Variants in CATSPERT observed in about 807,000 individuals in gnomAD.
The protein encoded by CATSPERT is cation channel sperm-associated targeting subunit tau.
chr2:201,492,031 T>C, the CATSPERT span: 3 of 1,534,722 alleles, frequency 2.0e-6, no homozygotes, highest in Non-Finnish European at 2.6e-6. Context: ...TTCCTTAGTG[T>C]AATAACTTTT....
chr2:201,545,484 G>T, the CATSPERT span: 5 of 1,124,680 alleles, frequency 4.4e-6, no homozygotes, highest in South Asian at 1.5e-5. Flanking sequence ...GTCTTTTTGT[G>T]ATATAATCAC....
At chr2:201,541,757 T>C in the CATSPERT span, among the ~76,000 whole-genome samples, 2 of 151,366 alleles carry the variant, frequency 1.3e-5, no homozygotes, top group South Asian at 4.2e-4. Context: ...GACCACACCC[T>C]GCTAATTTTT....
chr2:201,586,043 T>C, the CATSPERT span, among the ~76,000 whole-genome samples: 3 of 152,196 alleles, frequency 2.0e-5, no homozygotes, highest in Non-Finnish European at 2.9e-5. Flanking sequence ...ACGACAAGAA[T>C]GAAGACCTTT....
At chr2:201,566,121 A>G in the CATSPERT span, among the ~76,000 whole-genome samples, 1 of 152,200 alleles carries the variant, frequency 6.6e-6, no homozygotes, top group African/African-American at 2.4e-5. Flanking sequence ...AAGGGCCTCA[A>G]GTTCTAATGA....
At chr2:201,583,155 G>T in the CATSPERT span, among the ~76,000 whole-genome samples, 5 of 152,204 alleles carry the variant, frequency 3.3e-5, no homozygotes, top group Admixed American at 6.5e-5. Context: ...ACTAGACCCT[G>T]AAGTTACATT....
the CATSPERT span, among the ~76,000 whole-genome samples, chr2:201,488,112 C>T: frequency 6.6e-5 from 10 of 152,300 alleles, no homozygotes; most frequent in Non-Finnish European, 1.3e-4. Context: ...CCCGATGCCT[C>T]CCATTAGATA....
At chr2:201,575,067 A>AGAGGAG in the CATSPERT span, among the ~76,000 whole-genome samples, 1 of 142,896 alleles carries the variant, frequency 7.0e-6, no homozygotes, top group Non-Finnish European at 1.5e-5. Context: ...AAGAAGAAGA[A>AGAGGAG]GAGGAGGAAG....
At chr2:201,558,788 G>A in the CATSPERT span, among the ~76,000 whole-genome samples, 2 of 152,094 alleles carry the variant, frequency 1.3e-5, no homozygotes, top group East Asian at 1.9e-4. Context: ...ATCTTGAAGC[G>A]CACCCTCCTC....
chr2:201,510,238 G>T, the CATSPERT span, among the ~76,000 whole-genome samples: 1 of 150,442 alleles, frequency 6.6e-6, no homozygotes, highest in Non-Finnish European at 1.5e-5. Flanking sequence ...GAGGTCAGGA[G>T]TTCAAGACCA....
At chr2:201,510,707 TA>T in the CATSPERT span, among the ~76,000 whole-genome samples, 4 of 151,858 alleles carry the variant, frequency 2.6e-5, no homozygotes, top group African/African-American at 9.7e-5. Context: ...TACGTCATAT[TA>T]AAAAAAATCA....
chr2:201,566,196 T>C, the CATSPERT span, among the ~76,000 whole-genome samples: 15 of 151,564 alleles, frequency 9.9e-5, no homozygotes, highest in Admixed American at 5.9e-4. Flanking sequence ...CTAACTCTTT[T>C]TTTAAATTTC....
the CATSPERT span, among the ~76,000 whole-genome samples, chr2:201,570,227 C>T: frequency 4.6e-5 from 7 of 152,122 alleles, no homozygotes; most frequent in Non-Finnish European, 1.0e-4. Flanking sequence ...TCAATAAACT[C>T]AGCCTGATCC....
At chr2:201,519,660 T>C in the CATSPERT span, among the ~76,000 whole-genome samples, 1 of 151,728 alleles carries the variant, frequency 6.6e-6, no homozygotes, top group Non-Finnish European at 1.5e-5. Context: ...GAGATAGATG[T>C]CATTAAAAAA....
chr2:201,553,498 C>T, the CATSPERT span: 1 of 152,132 alleles, frequency 6.6e-6, no homozygotes, highest in South Asian at 2.1e-4. Flanking sequence ...CTTATGTCAA[C>T]TTAACATTTA....
the CATSPERT span, among the ~76,000 whole-genome samples, chr2:201,601,204 T>C: frequency 1.3e-5 from 2 of 151,942 alleles, no homozygotes; most frequent in Non-Finnish European, 2.9e-5. Flanking sequence ...ACTTACCAGC[T>C]CTATGACCTT....
At chr2:201,565,917 C>T in the CATSPERT span, 1 of 1,514,144 alleles carries the variant, frequency 6.6e-7, no homozygotes, top group Non-Finnish European at 8.9e-7. Context: ...ATACAAAAGT[C>T]CACTTCCAAA....
At chr2:201,493,173 T>G in the CATSPERT span, 4 of 1,529,172 alleles carry the variant, frequency 2.6e-6, no homozygotes, top group Non-Finnish European at 3.5e-6. Context: ...GTTTATCCAT[T>G]AATGAGTTAG....
At chr2:201,596,326 C>G in the CATSPERT span, among the ~76,000 whole-genome samples, 1 of 152,084 alleles carries the variant, frequency 6.6e-6, no homozygotes, top group East Asian at 1.9e-4. Flanking sequence ...AGCACAGGAA[C>G]AGAAAAACAA....
chr2:201,568,810 C>A, the CATSPERT span, among the ~76,000 whole-genome samples: 1 of 152,306 alleles, frequency 6.6e-6, no homozygotes, highest in East Asian at 1.9e-4. Flanking sequence ...AAATAAAAGC[C>A]TTCATTCCAC....
Sources: allele counts gnomAD v4.1 joint callset (sites outside exome capture counted in the v4.1 genomes callset), GRCh38; gene constraint gnomAD v4.1.1; transcripts MANE v1.5; gene names NCBI Gene and HGNC (gene_info 2026-07-23, HGNC 2026-07-21).